GSE1: variants seen among roughly 807,000 people sequenced by gnomAD.
GSE1 encodes Gse1 coiled-coil protein.
A neutral mutation model predicts 112.6 loss-of-function variants in GSE1; 32 were observed. The ratio of observed to expected loss-of-function variants is 0.28; its 90% confidence interval spans 0.21 to 0.38. GSE1 has a LOEUF of 0.38. GSE1 is among the 10% of genes least tolerant of loss of function. The pLI is 1.00. For synonymous variants in GSE1, 1,115 were observed against 735.6 expected (o/e 1.52, Z -8.35); for missense variants, 2,348 against 1,699.2 (o/e 1.38, Z -6.71).
intron 2 of GSE1, among the ~76,000 whole-genome samples, chr16:85,487,578 G>A (rs1034940956): frequency 2.0e-5 from 3 of 152,178 alleles, no homozygotes; most frequent in Non-Finnish European, 4.4e-5. Context: ...TAGGTGACCC[G>A]CCCAGGTCAC....
chr16:85,609,470 G>A (rs903288958), upstream of GSE1, among the ~76,000 whole-genome samples: 6 of 152,230 alleles, frequency 3.9e-5, no homozygotes, highest in Non-Finnish European at 8.8e-5. Flanking sequence ...AAAACCAAGT[G>A]TGAAACACAG....
chr16:85,511,473 A>T (rs2051743516), intron 2 of GSE1, among the ~76,000 whole-genome samples: 1 of 150,824 alleles, frequency 6.6e-6, no homozygotes, highest in Admixed American at 6.6e-5. Flanking sequence ...GGTTGCAGTG[A>T]GTCGAGATTG....
chr16:85,588,078 G>T (rs566412501), intron 1 of GSE1, among the ~76,000 whole-genome samples: 24 of 152,304 alleles, frequency 1.6e-4, no homozygotes, highest in Admixed American at 1.5e-3. Context: ...GGGATTCACT[G>T]CTGCACCCAC....
Position 85,479,045 on chromosome 16 carries a change from G to A in GSE1, c.2464+121402G>A, listed in dbSNP as rs187676084. ...CTTCCTTCCTTCCTTCCTTCCAGAT[G>A]GAGTCTCGCTCTGTCGCCCAGGCTG... On this transcript the variant is annotated intron_variant, in intron 2 of 2. Coordinates refer to the GSE1 transcript ENST00000637419. Among the ~76,000 whole-genome samples the A allele has an allele frequency of 4.3e-3, 527 of 123,062 alleles. 14 individuals are homozygous for A. Among genetic ancestry groups the A allele is most frequent in the Admixed American group, 0.026 (286 of 11,146 alleles). 80.7% of individuals were successfully genotyped at this position (123,062 alleles called of 152,430 possible).
chr16:85,515,878 T>C (rs1192115504), intron 2 of GSE1, among the ~76,000 whole-genome samples: 5 of 152,134 alleles, frequency 3.3e-5, no homozygotes, highest in Admixed American at 3.3e-4. Flanking sequence ...AAGCCTGCCT[T>C]TCCCCACCGG....
At chr16:85,301,882 C>T (rs1367500103) in intron 1 of GSE1, among the ~76,000 whole-genome samples, 3 of 152,214 alleles carry the variant, frequency 2.0e-5, no homozygotes, top group Admixed American at 6.5e-5. Context: ...TCTGTCCTTG[C>T]ATCCTTGGGT....
intron 3 of GSE1, among the ~76,000 whole-genome samples, chr16:85,651,397 C>T (rs1470226577): frequency 6.6e-6 from 1 of 152,092 alleles, no homozygotes; most frequent in Non-Finnish European, 1.5e-5. Flanking sequence ...GCCCCGCCTG[C>T]TGGCTGCCCC....
intron 1 of GSE1, among the ~76,000 whole-genome samples, chr16:85,207,152 C>G (rs528060816): frequency 6.6e-6 from 1 of 152,316 alleles, no homozygotes; most frequent in East Asian, 1.9e-4. Context: ...AGCATCTCCA[C>G]CTTCAGGGAG....
upstream of GSE1, chr16:85,555,673 C>T: frequency 1.2e-6 from 1 of 842,622 alleles, no homozygotes; most frequent in Non-Finnish European, 1.4e-6. Flanking sequence ...CCCCCTCCCG[C>T]CGCCCCCCCC....
chr16:85,204,668 C>T (rs1411171009), intron 1 of GSE1, among the ~76,000 whole-genome samples: 1 of 152,242 alleles, frequency 6.6e-6, no homozygotes, highest in Non-Finnish European at 1.5e-5. Flanking sequence ...GGGCTTTCTG[C>T]CCGGACAGAC....
At chr16:85,280,273 G>T (rs2044818934) in intron 1 of GSE1, among the ~76,000 whole-genome samples, 1 of 152,166 alleles carries the variant, frequency 6.6e-6, no homozygotes, top group Non-Finnish European at 1.5e-5. Context: ...CCTTGAGTAA[G>T]GCCTCTACCA....
At chr16:85,653,814 G>T (rs2051655700) in intron 3 of GSE1, among the ~76,000 whole-genome samples, 1 of 152,216 alleles carries the variant, frequency 6.6e-6, no homozygotes, top group Non-Finnish European at 1.5e-5. Context: ...GGCCAGGTGG[G>T]CAGCTGTCGG....
intron 1 of GSE1, among the ~76,000 whole-genome samples, chr16:85,287,264 AGGGTGGCCTTTC>A (rs2151433531): frequency 6.6e-6 from 1 of 152,332 alleles, no homozygotes; most frequent in East Asian, 1.9e-4. Context: ...CTGAGCTCCC[AGGGTGGCCTTTC>A]GGGCTGACGC....
chr16:85,253,314 G>T (rs146042591), intron 1 of GSE1, among the ~76,000 whole-genome samples: 2 of 152,156 alleles, frequency 1.3e-5, no homozygotes, highest in East Asian at 1.9e-4. Flanking sequence ...CCTGGGCTGT[G>T]CTGGGCCTCC....
intron 1 of GSE1, among the ~76,000 whole-genome samples, chr16:85,563,709 T>A (rs923923020): frequency 3.3e-5 from 5 of 152,210 alleles, no homozygotes; most frequent in Non-Finnish European, 5.9e-5. Context: ...CCAGTGGGCA[T>A]TTGGCTGCTT....
intron 2 of GSE1, among the ~76,000 whole-genome samples, chr16:85,637,787 G>A (rs998636431): frequency 3.0e-4 from 46 of 152,218 alleles, no homozygotes; most frequent in African/African-American, 3.4e-4. Flanking sequence ...CACACCTGCC[G>A]GGGAGTGGGG....
Position 85,273,941 on chromosome 16 carries a change from C to A in GSE1, c.2284-83522C>A, listed in dbSNP as rs138238421. ...CGAACTCCTGACCTCAGGTGATCCA[C>A]CCACCTCGGCCTCCCAAAGTGCTGG... On this transcript the variant is annotated intron_variant, in intron 1 of 2. Coordinates refer to the GSE1 transcript ENST00000637419. 5.2e-3 allele frequency among the ~76,000 whole-genome samples: 777 copies of A among 150,784 alleles called. 8 individuals are homozygous for A. The highest frequency in any genetic ancestry group is 0.019 in the African/African-American group (760 of 40,954).
chr16:85,339,928 C>A (rs72809701), intron 1 of GSE1, among the ~76,000 whole-genome samples: 1 of 152,048 alleles, frequency 6.6e-6, no homozygotes, highest in African/African-American at 2.4e-5. Flanking sequence ...GTGCCAAGAA[C>A]GGTGCTTGGC....
chr16:85,307,346 A>G (rs1031232720), intron 1 of GSE1, among the ~76,000 whole-genome samples: 1 of 152,106 alleles, frequency 6.6e-6, no homozygotes, highest in African/African-American at 2.4e-5. Context: ...AGCTTCTAAG[A>G]TCACCTTCAC....
Sources: gnomAD v4.1 joint callset for allele counts (sites outside exome capture counted in the v4.1 genomes callset) on GRCh38, gnomAD v4.1.1 for gene constraint, MANE v1.5 for transcripts, NCBI Gene and HGNC (gene_info 2026-07-23, HGNC 2026-07-21) for gene names.